The following CNTN6 variants were observed in gnomAD, a reference collection of about 807,000 sequenced individuals.
The protein encoded by CNTN6 is contactin-6.
A neutral mutation model predicts 122.8 loss-of-function variants in CNTN6; 137 were observed. That is an observed-to-expected ratio of 1.12 (90% confidence interval 0.97 to 1.29). The LOEUF (loss-of-function observed/expected upper bound fraction) is 1.29, where lower values mean the gene tolerates loss of function less well. Ranked by LOEUF, CNTN6 falls within the 50% of genes most tolerant of loss-of-function variation. The probability of loss-of-function intolerance (pLI) is 0.00; values close to 1 mark genes in which losing one functional copy is unlikely to be tolerated. For synonymous variants in CNTN6, 570 were observed against 426.0 expected, an observed-to-expected ratio of 1.34 and a Z score of -4.16; for missense variants, 1,634 against 1,223.4, an observed-to-expected ratio of 1.34 and a Z score of -5.01.
intron 20 of CNTN6, among the ~76,000 whole-genome samples, chr3:1,396,284 G>A (rs1180899242): frequency 6.6e-6 from 1 of 152,104 alleles, no homozygotes; most frequent in Non-Finnish European, 1.5e-5. Flanking sequence ...ACCCCTGCCA[G>A]GCCTATATAT....
At chr3:1,174,971 C>T (rs2093421779) in intron 2 of CNTN6, among the ~76,000 whole-genome samples, 1 of 151,998 alleles carries the variant, frequency 6.6e-6, no homozygotes. Context: ...GTGTGGTGGG[C>T]CATTCCTGTA....
intron 2 of CNTN6, among the ~76,000 whole-genome samples, chr3:1,151,647 G>T (rs1315415661): frequency 6.6e-6 from 1 of 152,202 alleles, no homozygotes; most frequent in African/African-American, 2.4e-5. Context: ...GGAGCTTGAT[G>T]TTGACCTTCA....
At chr3:1,307,898 T>A (rs879165203) in intron 7 of CNTN6, among the ~76,000 whole-genome samples, 1 of 152,190 alleles carries the variant, frequency 6.6e-6, no homozygotes, top group Admixed American at 6.6e-5. Flanking sequence ...CAGATGATGC[T>A]GGCCTTGATT....
intron 12 of CNTN6, among the ~76,000 whole-genome samples, chr3:1,372,047 G>A (rs1038471472): frequency 3.9e-5 from 6 of 152,042 alleles, no homozygotes. Context: ...ATTTTTTGAG[G>A]TCTACAGTTT....
chr3:1,131,780 A>C (rs1158021279), intron 1 of CNTN6, among the ~76,000 whole-genome samples: 1 of 152,104 alleles, frequency 6.6e-6, no homozygotes, highest in Non-Finnish European at 1.5e-5. Flanking sequence ...CTTCTGTTAC[A>C]AGTAATTGCT....
chr3:1,298,989 A>C (rs934366480), intron 7 of CNTN6, among the ~76,000 whole-genome samples: 5 of 152,200 alleles, frequency 3.3e-5, no homozygotes, highest in African/African-American at 1.2e-4. Flanking sequence ...TCATATTATT[A>C]AGTTAAACAT....
intron 2 of CNTN6, among the ~76,000 whole-genome samples, chr3:1,191,687 G>A (rs2093705085): frequency 6.6e-6 from 1 of 152,054 alleles, no homozygotes; most frequent in South Asian, 2.1e-4. Flanking sequence ...GGACACCCTG[G>A]GTACCCAATA....
At chr3:1,244,911 G>A (rs1399890280) in intron 4 of CNTN6, among the ~76,000 whole-genome samples, 1 of 149,118 alleles carries the variant, frequency 6.7e-6, no homozygotes, top group African/African-American at 2.5e-5. Context: ...TTAAGGGTGG[G>A]GGAGATTACA....
intron 2 of CNTN6, among the ~76,000 whole-genome samples, chr3:1,219,767 G>C (rs1383741529): frequency 6.6e-6 from 1 of 152,154 alleles, no homozygotes; most frequent in Admixed American, 6.6e-5. Flanking sequence ...TGTAATCCCA[G>C]CACATTGGGA....
rs147399839 is a variant in CNTN6 at position 1,108,628 on chromosome 3, T to C, written c.-83+15508T>C. Among the ~76,000 whole-genome samples the C allele has an allele frequency of 2.0e-3, 298 of 152,192 alleles. 1 individual carries two copies. Among genetic ancestry groups the C allele is most frequent in the African/African-American group, 6.8e-3 (284 of 41,560 alleles). Reference sequence around the variant, plus strand: ...ATTAATTAGAATAGTTTCTACATGTTTGGTGTAAAAAGTGCTTGTTATATT... The same window carrying C: ...ATTAATTAGAATAGTTTCTACATGTCTGGTGTAAAAAGTGCTTGTTATATT... On this transcript the variant is annotated intron_variant, in intron 1 of 22. Transcript: ENST00000446702.
intron 17 of CNTN6, among the ~76,000 whole-genome samples, chr3:1,380,418 T>C (rs11707396): frequency 0.023 from 3,451 of 152,274 alleles, 57 homozygotes; most frequent in Non-Finnish European, 0.033. Flanking sequence ...AATATAGCAA[T>C]GGGTAATTCC....
chr3:1,301,098 A>G (rs1003798465), intron 7 of CNTN6, among the ~76,000 whole-genome samples: 3 of 131,120 alleles, frequency 2.3e-5, no homozygotes, highest in Non-Finnish European at 4.6e-5. Flanking sequence ...GTGCAATGGC[A>G]CGATCTCGGC....
intron 7 of CNTN6, among the ~76,000 whole-genome samples, chr3:1,307,111 G>A (rs1698486208): frequency 6.6e-6 from 1 of 152,136 alleles, no homozygotes; most frequent in Admixed American, 6.6e-5. Context: ...CGGGGAGGTT[G>A]CAGGCTAATG....
chr3:1,097,852 A>G (rs919022818), intron 1 of CNTN6, among the ~76,000 whole-genome samples: 13 of 152,166 alleles, frequency 8.5e-5, no homozygotes, highest in African/African-American at 2.7e-4. Flanking sequence ...TCAATTGGGT[A>G]AAAATAATAT....
intron 5 of CNTN6, among the ~76,000 whole-genome samples, chr3:1,291,163 A>T (rs1166155555): frequency 6.6e-6 from 1 of 152,164 alleles, no homozygotes; most frequent in Non-Finnish European, 1.5e-5. Flanking sequence ...TTACCTTTAT[A>T]CTGTTAGTTC....
intron 1 of CNTN6, among the ~76,000 whole-genome samples, chr3:1,123,601 A>G (rs1342294135): frequency 6.6e-6 from 1 of 151,924 alleles, no homozygotes; most frequent in Non-Finnish European, 1.5e-5. Flanking sequence ...TGAGATTTTT[A>G]TATGTAAGAT....
chr3:1,241,480 G>T (rs952293896), intron 4 of CNTN6, among the ~76,000 whole-genome samples: 1 of 152,068 alleles, frequency 6.6e-6, no homozygotes, highest in Non-Finnish European at 1.5e-5. Context: ...AATGATTGGT[G>T]ATGGCCTGGA....
At chr3:1,248,980 A>G (rs2094620754) in intron 4 of CNTN6, among the ~76,000 whole-genome samples, 1 of 152,220 alleles carries the variant, frequency 6.6e-6, no homozygotes, top group Admixed American at 6.5e-5. Context: ...AATCACTTGG[A>G]GATCTTATTA....
At chr3:1,152,486 G>A (rs548859192) in intron 2 of CNTN6, among the ~76,000 whole-genome samples, 1 of 152,064 alleles carries the variant, frequency 6.6e-6, no homozygotes, top group African/African-American at 2.4e-5. Context: ...TCAGTAATGG[G>A]TAGAAGCTGA....
Sources: gnomAD v4.1 joint callset for allele counts (sites outside exome capture counted in the v4.1 genomes callset) on GRCh38, gnomAD v4.1.1 for gene constraint, MANE v1.5 for transcripts, NCBI Gene and HGNC (gene_info 2026-07-23, HGNC 2026-07-21) for gene names.